METTL15: variants seen among roughly 807,000 people sequenced by gnomAD.
METTL15 encodes methyltransferase 15, mitochondrial 12S rRNA N4-cytidine, also known as 12S rRNA N(4)-cytidine methyltransferase METTL15.
Under a neutral mutation model 38.3 loss-of-function variants are expected in METTL15, and 34 were observed. The observed-to-expected ratio is 0.89, with a 90% CI of 0.68 to 1.18. METTL15 has a LOEUF of 1.18. METTL15 is among the 50% of genes most tolerant of loss of function. METTL15 has a pLI of 0.00. For missense variants in METTL15, 438 were observed against 498.4 expected (o/e 0.88, Z 1.15); for synonymous variants, 162 against 170.9 (o/e 0.95, Z 0.41).
intron 6 of METTL15, among the ~76,000 whole-genome samples, chr11:28,444,539 A>C (rs1851060089): frequency 6.6e-6 from 1 of 152,166 alleles, no homozygotes; most frequent in Admixed American, 6.5e-5. Context: ...CCATGTAGTA[A>C]ATTTGCTGAG....
intron 4 of METTL15, among the ~76,000 whole-genome samples, chr11:28,222,652 G>T (rs1052828132): frequency 6.6e-6 from 1 of 152,108 alleles, no homozygotes; most frequent in Non-Finnish European, 1.5e-5. Flanking sequence ...GCTCATGCTG[G>T]GTGCTGTAGA....
chr11:28,473,669 T>A (rs553701579), intron 6 of METTL15, among the ~76,000 whole-genome samples: 1 of 152,226 alleles, frequency 6.6e-6, no homozygotes, highest in African/African-American at 2.4e-5. Context: ...ACTCAGGATG[T>A]CCCAGGCATA....
intron 6 of METTL15, among the ~76,000 whole-genome samples, chr11:28,308,937 C>T (rs199786476): frequency 3.2e-5 from 3 of 94,712 alleles, no homozygotes; most frequent in African/African-American, 7.1e-5. Flanking sequence ...GATAGATAGG[C>T]AGGCAGGCAT....
chr11:28,271,814 C>T (rs1203017824), intron 4 of METTL15, among the ~76,000 whole-genome samples: 1 of 152,062 alleles, frequency 6.6e-6, no homozygotes, highest in Non-Finnish European at 1.5e-5. Flanking sequence ...TTTTTGCAAT[C>T]TATCCATCTG....
chr11:28,427,666 T>C (rs1302644200), intron 6 of METTL15, among the ~76,000 whole-genome samples: 1 of 152,216 alleles, frequency 6.6e-6, no homozygotes, highest in Non-Finnish European at 1.5e-5. Flanking sequence ...GTTAGCTGTA[T>C]TCCTAGGTAT....
chr11:28,416,421 T>C (rs1850772967), intron 5 of METTL15, among the ~76,000 whole-genome samples: 1 of 152,178 alleles, frequency 6.6e-6, no homozygotes, highest in Non-Finnish European at 1.5e-5. Context: ...GGGTCCATGT[T>C]TCCTGGGGCA....
intron 6 of METTL15, among the ~76,000 whole-genome samples, chr11:28,507,847 T>G (rs1340401562): frequency 1.3e-5 from 2 of 152,178 alleles, no homozygotes; most frequent in Admixed American, 6.5e-5. Context: ...TATCATAAAC[T>G]CTTCACCACA....
At chr11:28,337,665 G>A (rs1014153630), downstream of METTL15, among the ~76,000 whole-genome samples, 1 of 152,006 alleles carries the variant, frequency 6.6e-6, no homozygotes, top group Non-Finnish European at 1.5e-5. Context: ...CATAGTAAGT[G>A]CACCTTTTTT....
intron 6 of METTL15, among the ~76,000 whole-genome samples, chr11:28,445,015 GA>G (rs1306397024): frequency 6.6e-6 from 1 of 152,144 alleles, no homozygotes; most frequent in Non-Finnish European, 1.5e-5. Context: ...TGGGGTTAGA[GA>G]GGGGAAGGGG....
At chr11:28,334,817 TGAA>T (rs1299737426), downstream of METTL15, among the ~76,000 whole-genome samples, 1 of 152,160 alleles carries the variant, frequency 6.6e-6, no homozygotes, top group South Asian at 2.1e-4. Flanking sequence ...ACATTTAAAA[TGAA>T]GAATTGTACA....
At chr11:28,452,759 C>G (rs1052455979) in intron 6 of METTL15, among the ~76,000 whole-genome samples, 1 of 152,112 alleles carries the variant, frequency 6.6e-6, no homozygotes, top group Non-Finnish European at 1.5e-5. Context: ...TCACTGCCCC[C>G]GTTGAGTGCT....
intron 6 of METTL15, among the ~76,000 whole-genome samples, chr11:28,457,027 T>A (rs1247480391): frequency 6.6e-6 from 1 of 152,200 alleles, no homozygotes; most frequent in Non-Finnish European, 1.5e-5. Context: ...GAAATGATGG[T>A]TGTTTTATGC....
intron 6 of METTL15, among the ~76,000 whole-genome samples, chr11:28,315,755 G>T (rs1336525427): frequency 6.6e-6 from 1 of 152,212 alleles, no homozygotes; most frequent in Non-Finnish European, 1.5e-5. Flanking sequence ...CTAGGGACTT[G>T]GTACCCTGCG....
intron 6 of METTL15, among the ~76,000 whole-genome samples, chr11:28,436,588 A>G (rs1315024589): frequency 6.6e-6 from 1 of 150,926 alleles, no homozygotes; most frequent in Non-Finnish European, 1.5e-5. Context: ...AAATGCTTGC[A>G]TGGAATACTG....
At chr11:28,446,919 TAC>T (rs774243468) in intron 6 of METTL15, among the ~76,000 whole-genome samples, 2 of 152,098 alleles carry the variant, frequency 1.3e-5, no homozygotes, top group Admixed American at 1.3e-4. Context: ...CAAGAATACA[TAC>T]ACACATATAT....
intron 6 of METTL15, among the ~76,000 whole-genome samples, chr11:28,502,630 A>T (rs543413539): frequency 6.6e-6 from 1 of 152,376 alleles, no homozygotes; most frequent in Admixed American, 6.5e-5. Flanking sequence ...TAAGATATGA[A>T]TACAATTTTG....
chr11:28,339,783 T>C (rs77351433), intron 3 of METTL15, among the ~76,000 whole-genome samples: 272 of 151,956 alleles, frequency 1.8e-3, no homozygotes, highest in Non-Finnish European at 2.1e-3. Context: ...AGAAAAAAAG[T>C]CCTGTGAGTT....
intron 4 of METTL15, among the ~76,000 whole-genome samples, chr11:28,361,295 A>G (rs1038544768): frequency 5.2e-4 from 79 of 151,062 alleles, no homozygotes; most frequent in Non-Finnish European, 9.1e-4. Context: ...AAGTGTTCCT[A>G]TTTCTCCACA....
intron 5 of METTL15, among the ~76,000 whole-genome samples, chr11:28,407,795 C>T (rs1470972741): frequency 1.3e-5 from 2 of 152,104 alleles, no homozygotes; most frequent in Non-Finnish European, 2.9e-5. Flanking sequence ...ACCCAGCAAT[C>T]CCATTACTGG....
Sources: allele counts gnomAD v4.1 joint callset (sites outside exome capture counted in the v4.1 genomes callset), GRCh38; gene constraint gnomAD v4.1.1; transcripts MANE v1.5; gene names NCBI Gene and HGNC (gene_info 2026-07-23, HGNC 2026-07-21).